Variants in ADGRL2 observed in about 807,000 individuals in gnomAD.
ADGRL2 encodes calcium-independent alpha-latrotoxin receptor 2.
In ADGRL2, 44 loss-of-function variants were observed where a neutral mutation model predicts 157.4. The observed-to-expected ratio is 0.28, with a 90% confidence interval of 0.22 to 0.36. The LOEUF is 0.36. Ranked by LOEUF, ADGRL2 falls within the 10% of genes least tolerant of loss-of-function variation. The probability of loss-of-function intolerance (pLI) is 1.00; values close to 1 mark genes in which losing one functional copy is unlikely to be tolerated. For synonymous variants in ADGRL2, 585 were observed against 624.7 expected, an observed-to-expected ratio of 0.94 and a Z score of 0.95; for missense variants, 1,510 against 1,768.9, an observed-to-expected ratio of 0.85 and a Z score of 2.63.
intron 1 of ADGRL2, among the ~76,000 whole-genome samples, chr1:81,369,686 A>G (rs2076128603): frequency 6.6e-6 from 1 of 151,998 alleles, no homozygotes; most frequent in African/African-American, 2.4e-5. Context: ...AAATCAATTT[A>G]TATTTCCTTA....
At chr1:81,523,203 T>C (rs2079366321) in intron 2 of ADGRL2, among the ~76,000 whole-genome samples, 1 of 152,192 alleles carries the variant, frequency 6.6e-6, no homozygotes, top group African/African-American at 2.4e-5. Context: ...TCCTTAACTT[T>C]ACCTGTAGCT....
intron 1 of ADGRL2, among the ~76,000 whole-genome samples, chr1:81,718,504 C>T (rs1313615970): frequency 1.3e-5 from 2 of 151,802 alleles, no homozygotes; most frequent in African/African-American, 4.8e-5. Context: ...GATACAAAGC[C>T]CATTTATATG....
At chr1:81,980,603 G>A (rs773200758) in intron 18 of ADGRL2, among the ~76,000 whole-genome samples, 2 of 151,720 alleles carry the variant, frequency 1.3e-5, no homozygotes, top group Non-Finnish European at 2.9e-5. Context: ...TGGTTATAAT[G>A]TGATTGTAAA....
At chr1:81,918,918 A>G (rs1029336607) in intron 3 of ADGRL2, among the ~76,000 whole-genome samples, 2 of 152,168 alleles carry the variant, frequency 1.3e-5, no homozygotes, top group Non-Finnish European at 2.9e-5. Context: ...TCACTTTGGT[A>G]TCTAATTTTC....
At chr1:81,539,363 C>G (rs537383370) in intron 2 of ADGRL2, among the ~76,000 whole-genome samples, 3 of 152,160 alleles carry the variant, frequency 2.0e-5, no homozygotes, top group Non-Finnish European at 4.4e-5. Flanking sequence ...CGCATATTGA[C>G]AGCTCTAGAG....
intron 3 of ADGRL2, among the ~76,000 whole-genome samples, chr1:81,586,951 G>C (rs1194840894): frequency 6.6e-6 from 1 of 152,040 alleles, no homozygotes; most frequent in East Asian, 1.9e-4. Context: ...AGCAGTGATG[G>C]ACTGACGCTG....
At chr1:81,773,089 T>C (rs1449719740) in intron 2 of ADGRL2, among the ~76,000 whole-genome samples, 1 of 152,182 alleles carries the variant, frequency 6.6e-6, no homozygotes, top group Non-Finnish European at 1.5e-5. Context: ...GCTGAGCTAA[T>C]TGTAGTCTGT....
chr1:81,656,880 C>T (rs1482311744), intron 3 of ADGRL2, among the ~76,000 whole-genome samples: 1 of 151,768 alleles, frequency 6.6e-6, no homozygotes, highest in Non-Finnish European at 1.5e-5. Flanking sequence ...TGTGGTGGCA[C>T]ACACCTGTGG....
At chr1:81,823,633 T>G (rs1246051804) in intron 1 of ADGRL2, among the ~76,000 whole-genome samples, 2 of 151,988 alleles carry the variant, frequency 1.3e-5, no homozygotes, top group Non-Finnish European at 2.9e-5. Context: ...CACTCTGTAC[T>G]ATGGACAAAA....
chr1:81,910,055 C>A (rs2094679407), intron 3 of ADGRL2, among the ~76,000 whole-genome samples: 7 of 151,856 alleles, frequency 4.6e-5, no homozygotes, highest in Admixed American at 4.6e-4. Flanking sequence ...GCCTGGCCAA[C>A]ATGGTGAAAC....
chr1:81,362,195 A>T (rs896776994), intron 1 of ADGRL2, among the ~76,000 whole-genome samples: 1 of 151,824 alleles, frequency 6.6e-6, no homozygotes, highest in Non-Finnish European at 1.5e-5. Context: ...CACCATAGGA[A>T]TCTCACCTTG....
chr1:81,916,541 A>G (rs1483355459), intron 3 of ADGRL2, among the ~76,000 whole-genome samples: 1 of 152,030 alleles, frequency 6.6e-6, no homozygotes, highest in Admixed American at 6.6e-5. Flanking sequence ...ATGTAATATA[A>G]TGCATGTTTT....
intron 1 of ADGRL2, among the ~76,000 whole-genome samples, chr1:81,710,093 AATTT>A (rs147642144): frequency 6.6e-6 from 1 of 152,272 alleles, no homozygotes; most frequent in East Asian, 1.9e-4. Context: ...ATTGCAATTT[AATTT>A]ATTTATCACA....
At chr1:81,519,229 TG>T (rs1174805559) in intron 2 of ADGRL2, among the ~76,000 whole-genome samples, 1 of 152,228 alleles carries the variant, frequency 6.6e-6, no homozygotes, top group African/African-American at 2.4e-5. Context: ...AAAATGAACA[TG>T]TCTCAGAGTT....
intron 1 of ADGRL2, among the ~76,000 whole-genome samples, chr1:81,315,141 AG>A (rs1426691512): frequency 6.6e-6 from 1 of 152,166 alleles, no homozygotes; most frequent in Non-Finnish European, 1.5e-5. Flanking sequence ...TTTGCATCAG[AG>A]TGTCTGCTTT....
chr1:81,519,765 G>A (rs986256264), intron 2 of ADGRL2, among the ~76,000 whole-genome samples: 2 of 152,066 alleles, frequency 1.3e-5, no homozygotes, highest in East Asian at 1.9e-4. Flanking sequence ...TGACAGATAC[G>A]GCTAATGACT....
At chr1:81,403,982 G>T (rs2076809385) in intron 1 of ADGRL2, among the ~76,000 whole-genome samples, 1 of 152,026 alleles carries the variant, frequency 6.6e-6, no homozygotes, top group African/African-American at 2.4e-5. Context: ...ATTTTTAGTA[G>T]AGACAGGGTT....
intron 1 of ADGRL2, among the ~76,000 whole-genome samples, chr1:81,343,649 A>G (rs1002783376): frequency 1.3e-5 from 2 of 152,162 alleles, no homozygotes; most frequent in African/African-American, 2.4e-5. Flanking sequence ...TCCAAGGCAC[A>G]TGGCTGTCTT....
chr1:81,696,581 T>A (rs1334076976), upstream of ADGRL2, among the ~76,000 whole-genome samples: 1 of 151,914 alleles, frequency 6.6e-6, no homozygotes, highest in East Asian at 1.9e-4. Flanking sequence ...TGAAACCCCG[T>A]CGCTACTAAA....
Sources: gnomAD v4.1 joint callset for allele counts (sites outside exome capture counted in the v4.1 genomes callset) on GRCh38, gnomAD v4.1.1 for gene constraint, MANE v1.5 for transcripts, NCBI Gene and HGNC (gene_info 2026-07-23, HGNC 2026-07-21) for gene names.